Variants in TBC1D16 observed in about 807,000 individuals in gnomAD.
TBC1D16 encodes the protein TBC1 domain family member 16.
A neutral mutation model predicts 74.7 loss-of-function variants in TBC1D16; 58 were observed. That is an observed-to-expected ratio of 0.78 (90% confidence interval 0.63 to 0.97). TBC1D16 has a LOEUF of 0.97. TBC1D16 is among the 50% of genes least tolerant of loss of function. TBC1D16 has a pLI of 0.00. For synonymous variants in TBC1D16, 493 were observed against 474.7 expected (o/e 1.04, Z -0.50); for missense variants, 1,014 against 1,079.5 (o/e 0.94, Z 0.85).
Position 79,961,430 on chromosome 17 carries a change from C to G in TBC1D16, c.780-8612G>C, listed in dbSNP as rs1458319087. Among the ~76,000 whole-genome samples the G allele has an allele frequency of 6.6e-6, 1 of 152,234 alleles. No individual in the cohort carries two copies. The highest frequency in any genetic ancestry group is 2.4e-5 in the African/African-American group (1 of 41,466). On this transcript the variant is annotated intron_variant, in intron 3 of 11. Transcript: ENST00000310924. The surrounding 1 kb of genome is among the most constrained non-coding windows in gnomAD (Gnocchi z 4.8). ...AACACGGCAAACCACTTTAGGAAAG[C>G]AGTTCAGTAATTTCTTAAAAATTAA...
In TBC1D16 at chr17:80,010,472, G is replaced by C. The variant is rs769277414; in HGVS notation, c.467C>G (p.Pro156Arg). 5 of 1,610,242 alleles carry C rather than the reference G, an allele frequency of 3.1e-6. No individual in the cohort carries two copies. The highest frequency in any genetic ancestry group is 4.2e-6 in the Non-Finnish European group (5 of 1,178,572). Residue 156 changes from proline (P) to arginine (R), a missense_variant, in exon 3 of 12, where the codon CCT (proline) becomes CGT (arginine). Pro to Arg is a moderately radical substitution (Grantham distance 103). Transcript: ENST00000310924. This position sits in a 1 kb window ranked among gnomAD's most constrained non-coding sequence, Gnocchi z 8.8. ...CAGCTTCTCCTCATCCTCTGGCGCA[G>C]GGCTGGCGAGCATGCGGTCTGGAAC... The part of the protein sequence containing the change: ...QSVPDRMLAS[P>R]APEDEEKLAQ...
chr17:79,950,650 C>G lies in TBC1D16; in HGVS notation c.1090-72G>C. On this transcript the variant is annotated intron_variant, in intron 5 of 11. Coordinates refer to ENST00000310924, the MANE Select transcript of TBC1D16 (RefSeq NM_019020.4). This position sits in a 1 kb window ranked among gnomAD's most constrained non-coding sequence, Gnocchi z 4.6. ...GCTTCAGAGGCCAGCAGTGCTTTTC[C>G]CAGGAATAAAAGCCTCTCTCTCTTC... 1 of 1,569,126 alleles carries G rather than the reference C, an allele frequency of 6.4e-7. No homozygotes were observed. Among genetic ancestry groups the G allele is most frequent in the South Asian group, 1.2e-5 (1 of 85,614 alleles).
intron 5 of TBC1D16, 89 bp downstream of exon 5, chr17:79,951,361 C>A: frequency 2.0e-6 from 3 of 1,509,116 alleles, no homozygotes; most frequent in Non-Finnish European, 2.7e-6. Flanking sequence ...GCCCGGGGAC[C>A]CCAGACACAG....
chr17:79,987,352 T>C lies in TBC1D16; in HGVS notation c.779+22808A>G, dbSNP rs1481023505. 6.6e-6 allele frequency among the ~76,000 whole-genome samples: 1 copy of C among 151,950 alleles called. No individual in the cohort carries two copies. Among genetic ancestry groups the C allele is most frequent in the African/African-American group, 2.4e-5 (1 of 41,364 alleles). Reference sequence around the variant, plus strand: ...GCTTCCACCTCTTGGGCTCAAGCGATCCTCCCACTTCAGCCTCCCGAGTAG... The same window carrying C: ...GCTTCCACCTCTTGGGCTCAAGCGACCCTCCCACTTCAGCCTCCCGAGTAG... On this transcript the variant is annotated intron_variant, in intron 3 of 11. Transcript: ENST00000310924. The surrounding 1 kb of genome is among the most constrained non-coding windows in gnomAD (Gnocchi z 5.2).
At chr17:80,017,920 C>T (rs1307971570) in intron 1 of TBC1D16, among the ~76,000 whole-genome samples, 1 of 152,102 alleles carries the variant, frequency 6.6e-6, no homozygotes, top group Non-Finnish European at 1.5e-5. Context: ...ATATGACAAC[C>T]AAGTGACGAA....
intron 1 of TBC1D16, among the ~76,000 whole-genome samples, chr17:80,022,934 CG>C: frequency 6.7e-6 from 1 of 150,186 alleles, no homozygotes; most frequent in South Asian, 2.1e-4. Flanking sequence ...CATGACTGGC[CG>C]GGGACATTTA....
chr17:80,025,128 C>CACACAA (rs2036525284), intron 1 of TBC1D16, among the ~76,000 whole-genome samples: 1 of 76,222 alleles, frequency 1.3e-5, no homozygotes, highest in Non-Finnish European at 2.5e-5. Flanking sequence ...CAGACACACA[C>CACACAA]ACACCATAGG....
At chr17:80,024,022 C>A (rs890177644) in intron 1 of TBC1D16, 1 of 147,844 alleles carries the variant, frequency 6.8e-6, no homozygotes. Flanking sequence ...AAGGTAAGGA[C>A]GCAGCCCTCG....
chr17:79,998,125 CAAAAA>C (rs901486919), intron 3 of TBC1D16, among the ~76,000 whole-genome samples: 2 of 51,984 alleles, frequency 3.8e-5, no homozygotes, highest in South Asian at 7.0e-4. Flanking sequence ...AACTCTGTCT[CAAAAA>C]AAAAAAAAAA....
intron 3 of TBC1D16, among the ~76,000 whole-genome samples, chr17:79,973,435 C>A (rs909338175): frequency 6.6e-6 from 1 of 152,078 alleles, no homozygotes; most frequent in Non-Finnish European, 1.5e-5. Context: ...AAAGTCTGGG[C>A]GCAGTGGCTT....
chr17:80,003,555 C>T (rs1456338865), intron 3 of TBC1D16, among the ~76,000 whole-genome samples: 1 of 152,060 alleles, frequency 6.6e-6, no homozygotes, highest in Non-Finnish European at 1.5e-5. Context: ...CCCAAATGTG[C>T]AGGTTCTCCC....
At chr17:79,964,845 AG>A (rs2033772941) in intron 3 of TBC1D16, among the ~76,000 whole-genome samples, 2 of 152,202 alleles carry the variant, frequency 1.3e-5, no homozygotes. Context: ...ATGCTGAATG[AG>A]GAAAGTAGGT....
chr17:80,013,448 C>A lies in TBC1D16; in HGVS notation c.100G>T (p.Asp34Tyr). The A allele has an allele frequency of 1.2e-6, 2 of 1,604,136 alleles. No homozygotes were observed. The highest frequency in any genetic ancestry group is 1.7e-6 in the Non-Finnish European group (2 of 1,175,914). ...TTCTTGGAGTAGATGATCTCTCCATCCAGGACAGAGGGGGACCCGCTGCCG... is the reference window on the plus strand; with the variant it reads ...TTCTTGGAGTAGATGATCTCTCCATACAGGACAGAGGGGGACCCGCTGCCG... ...GSGSGSPSVL[D>Y]GEIIYSKNNV... is the part of the protein sequence containing the mutation. The change falls in exon 2 of 12, where the codon GAT (aspartate) becomes TAT (tyrosine). Residue 34 changes from aspartate to tyrosine, a missense_variant. Transcript: ENST00000310924.
In TBC1D16 at chr17:80,007,912, C is replaced by T. The variant is rs747820566; in HGVS notation, c.779+2248G>A. ...GGTGCTTCATCCTGAAAATGATGGG[C>T]GGCCCCCGGTGGGTCCCAGGCAGAG... On this transcript the variant is annotated intron_variant, in intron 3 of 11. Coordinates refer to ENST00000310924, the MANE Select transcript of TBC1D16 (RefSeq NM_019020.4). This position sits in a 1 kb window ranked among gnomAD's most constrained non-coding sequence, Gnocchi z 4.5. 2.0e-5 allele frequency among the ~76,000 whole-genome samples: 3 copies of T among 151,942 alleles called. No homozygotes were observed. The highest frequency in any genetic ancestry group is 4.4e-5 in the Non-Finnish European group (3 of 67,988).
rs71959726 is a variant in TBC1D16 at position 79,936,909 on chromosome 17, C to CGTGTGTGTGT, written c.*3940_*3949dup. The CGTGTGTGTGT allele has an allele frequency of 0.068, 8,326 of 122,150 alleles. 334 individuals carry two copies. The highest frequency in any genetic ancestry group is 0.15 in the East Asian group (588 of 3,828). 7.6% of individuals were successfully genotyped at this position (122,150 alleles called of 1,614,324 possible). A position where few individuals can be genotyped will look rare whatever the true frequency, so the allele number is the denominator to read the frequency against. ...GTGCATGCGTGCGTGTGTGCATGTG[C>CGTGTGTGTGT]GTGTGTGTGTGTGTGTGTGTGTGTG... On this transcript the variant is annotated 3_prime_UTR_variant, in exon 12 of 12. Transcript: ENST00000310924.
Position 80,015,480 on chromosome 17 carries a change from C to T in TBC1D16, c.-62-1871G>A, listed in dbSNP as rs573675246. Reference sequence around the variant, plus strand: ...AAAATAAAAGACAGGCACAGAGCCACGCTGCATCCTGATCACTGATGGGGG... The same window carrying T: ...AAAATAAAAGACAGGCACAGAGCCATGCTGCATCCTGATCACTGATGGGGG... On this transcript the variant is annotated intron_variant, in intron 1 of 11. Transcript: ENST00000310924. Among the ~76,000 whole-genome samples, 81 of 152,130 alleles carry T rather than the reference C, an allele frequency of 5.3e-4. 2 individuals carry two copies. In the South Asian group the frequency reaches 0.011, roughly 21 times the overall value.
intron 9 of TBC1D16, 98 bp from the exon 10 acceptor site, chr17:79,945,185 A>G: frequency 7.6e-7 from 1 of 1,310,416 alleles, no homozygotes; most frequent in Non-Finnish European, 1.0e-6. Context: ...GGGCCACCCC[A>G]GCCTGGAAAA....
At position 80,010,031 on chromosome 17, in the gene TBC1D16, A is replaced by G. The variant is rs1464525655; in HGVS notation, c.779+129T>C. 4 of 794,140 alleles carry G rather than the reference A, an allele frequency of 5.0e-6. No individual in the cohort carries two copies. Among genetic ancestry groups the G allele is most frequent in the Admixed American group, 5.9e-5 (2 of 33,800 alleles). The allele number at this position is 794,140 out of a possible 1,614,324, so 49.2% of individuals were successfully genotyped here. A position where few individuals can be genotyped will look rare whatever the true frequency, so the allele number is the denominator to read the frequency against. ...GGGCTCCTGCCACAGCCACGGCCAC[A>G]GCCGCGGGCAGGTCGGGCAGATGCC... is the stretch of plus-strand genomic sequence containing the variant. On this transcript the variant is annotated intron_variant, in intron 3 of 11. Transcript: ENST00000310924. This position sits in a 1 kb window ranked among gnomAD's most constrained non-coding sequence, Gnocchi z 8.8.
In TBC1D16 at chr17:80,034,247, G is replaced by A. The variant is rs144486483; in HGVS notation, c.-63+1548C>T. 6.5e-5 allele frequency among the ~76,000 whole-genome samples: 9 copies of A among 138,338 alleles called. No homozygotes were observed. In the East Asian group the frequency reaches 1.9e-3, roughly 29 times the overall value. The allele number at this position is 138,338 out of a possible 152,430, so 90.8% of individuals were successfully genotyped here. A position where few individuals can be genotyped will look rare whatever the true frequency, so the allele number is the denominator to read the frequency against. On this transcript the variant is annotated intron_variant, in intron 1 of 11. Coordinates refer to ENST00000310924, the MANE Select transcript of TBC1D16 (RefSeq NM_019020.4). The stretch of plus-strand genomic sequence containing the variant: ...CATAGAATGTTGCTCTATCACCCGG[G>A]CTGGGGTGCAGTTGCACATCTTGGC...
Sources: allele counts gnomAD v4.1 joint callset (sites outside exome capture counted in the v4.1 genomes callset), GRCh38; gene constraint gnomAD v4.1.1; non-coding constraint Gnocchi (gnomAD v3.1); transcripts MANE v1.5; gene names NCBI Gene and HGNC (gene_info 2026-07-23, HGNC 2026-07-21).